Variants in HSPG2 observed in about 807,000 individuals in gnomAD.
HSPG2 encodes the protein heparan sulfate proteoglycan 2.
HSPG2 carries 278 observed loss-of-function variants against 526.6 expected under a neutral mutation model. That is an observed-to-expected ratio of 0.53 (90% CI 0.48 to 0.58). The LOEUF (loss-of-function observed/expected upper bound fraction) is 0.58. Among genes scored for constraint, HSPG2 ranks in the 20% least tolerant of loss-of-function variants. HSPG2 has a pLI of 0.00. For missense variants in HSPG2, 5,354 were observed against 6,099.5 expected (o/e 0.88, Z 4.07); for synonymous variants, 2,465 against 2,555.4 (o/e 0.96, Z 1.07).
chr1:21,864,516 A>G lies in HSPG2; in HGVS notation c.4627-303T>C, dbSNP rs1640070243. Among the ~76,000 whole-genome samples the G allele has an allele frequency of 6.6e-6, 1 of 152,138 alleles. No individual in the cohort carries two copies. Among genetic ancestry groups the G allele is most frequent in the Non-Finnish European group, 1.5e-5 (1 of 68,028 alleles). On this transcript the variant is annotated intron_variant, in intron 36 of 96. Transcript: ENST00000374695. This position sits in a 1 kb window ranked among gnomAD's most constrained non-coding sequence, Gnocchi z 4.8. The stretch of plus-strand genomic sequence containing the variant: ...GCATGAACTGGGTTTTAACCCCCGG[A>G]GAGTGTGGCCCAAACGTGAGGCTGC...
rs114851424 is a variant in HSPG2 at position 21,840,020 on chromosome 1, G to T, written c.9514-3C>A. The T allele has an allele frequency of 6.2e-7, 1 of 1,614,092 alleles. No homozygotes were observed. Among genetic ancestry groups the T allele is most frequent in the Non-Finnish European group, 8.5e-7 (1 of 1,179,966 alleles). On this transcript the variant is annotated splice_polypyrimidine_tract_variant and splice_region_variant and intron_variant, in intron 71 of 96. Coordinates refer to ENST00000374695, the MANE Select transcript of HSPG2 (RefSeq NM_005529.7). ...TCTGATGGTTTAGCTGATGAAATCTGGGAGAAAGCAAGGAGGCTGGTTATG... is the reference window on the plus strand; with the variant it reads ...TCTGATGGTTTAGCTGATGAAATCTTGGAGAAAGCAAGGAGGCTGGTTATG...
rs1037050902 is a variant in HSPG2, at chr1:21,893,072, G to A, written c.245-2378C>T. ...GCCCTGCACTCAGGGTAGAAGTGGG[G>A]GCTGCACACCTGACTAGCCCTGGCC... is the stretch of plus-strand genomic sequence containing the variant. On this transcript the variant is annotated intron_variant, in intron 3 of 96. Transcript: ENST00000374695. This position sits in a 1 kb window ranked among gnomAD's most constrained non-coding sequence, Gnocchi z 4.3. Among the ~76,000 whole-genome samples, 9 of 152,074 alleles carry A rather than the reference G, an allele frequency of 5.9e-5. No individual in the cohort carries two copies. The highest frequency in any genetic ancestry group is 5.9e-4 in the Admixed American group (9 of 15,276).
In HSPG2 at chr1:21,829,057, G is replaced by A. The variant is rs770257885; in HGVS notation, c.12015C>T (p.Ala4005=). ...GCCAGCGGCCCAGGGCCAGCGGCTC[G>A]GCGCTCCGCAGAACGGCCAGCCCTG... The part of the protein sequence containing the change: ...LGSGLAVLRS[A]EPLALGRWHR... Residue 4005 remains alanine, a synonymous_variant, in exon 88 of 97, where the codon GCC becomes GCT. Coordinates refer to ENST00000374695, the MANE Select transcript of HSPG2 (RefSeq NM_005529.7). The A allele has an allele frequency of 4.5e-5, 69 of 1,543,850 alleles. No individual in the cohort carries two copies. Among genetic ancestry groups the A allele is most frequent in the Middle Eastern group, 3.8e-4 (2 of 5,238 alleles).
At chr1:21,901,499 T>C (rs934113993) in intron 1 of HSPG2, among the ~76,000 whole-genome samples, 2 of 151,926 alleles carry the variant, frequency 1.3e-5, no homozygotes, top group African/African-American at 2.4e-5. Flanking sequence ...GGCAATAGAA[T>C]TGGGTCCTAT....
chr1:21,869,747 C>G (rs911627204), intron 33 of HSPG2: 23 of 985,450 alleles, frequency 2.3e-5, no homozygotes, highest in African/African-American at 7.0e-5. Context: ...TCCCCACGGG[C>G]CCAGCCAGCC....
chr1:21,839,235 C>CCCA lies in HSPG2; in HGVS notation c.9889+135_9889+136insTGG. 2 of 1,427,138 alleles carry CCCA rather than the reference C, an allele frequency of 1.4e-6. No homozygotes were observed. Among genetic ancestry groups the CCCA allele is most frequent in the Non-Finnish European group, 1.9e-6 (2 of 1,034,326 alleles). 88.4% of individuals were successfully genotyped at this position (1,427,138 alleles called of 1,614,324 possible). Reference sequence around the variant, plus strand: ...AGGTCCCAGGCCAGGGTGTGGGTGTCGGGCAGGGCAGGCTCCAGGACCCTG... The same window carrying CCCA: ...AGGTCCCAGGCCAGGGTGTGGGTGTCCCAGGGCAGGGCAGGCTCCAGGACCCTG... On this transcript the variant is annotated intron_variant, in intron 73 of 96. Transcript: ENST00000374695. This position sits in a 1 kb window ranked among gnomAD's most constrained non-coding sequence, Gnocchi z 4.5.
chr1:21,900,216 A>G (rs1358508296), intron 1 of HSPG2, among the ~76,000 whole-genome samples: 1 of 152,200 alleles, frequency 6.6e-6, no homozygotes, highest in African/African-American at 2.4e-5. Flanking sequence ...GGAGCTAAGC[A>G]GAGAGGGGGA....
In HSPG2 at chr1:21,833,704, ATTGAGCGTTTGCTC is replaced by A. The variant is rs1438729600; in HGVS notation, c.10830+98_10831-91del. ...CTGTGCCTCAGGCCCACCTTCCAAC[ATTGAGCGTTTGCTC>A]TTGGCCAAGCCTGTGCCACATCCTG... On this transcript the variant is annotated intron_variant, in intron 78 of 96. Transcript: ENST00000374695. The A allele has an allele frequency of 6.9e-6, 11 of 1,584,616 alleles. No homozygotes were observed. In the Admixed American group the frequency reaches 1.7e-4, roughly 24 times the overall value.
Position 21,851,825 on chromosome 1 carries a change from T to C in HSPG2, c.6972A>G (p.Thr2324=). 1.2e-6 allele frequency: 2 copies of C among 1,613,752 alleles called. No individual in the cohort carries two copies. Among genetic ancestry groups the C allele is most frequent in the Non-Finnish European group, 1.7e-6 (2 of 1,179,990 alleles). ...AGTTGGCCCCCTGGGTCCCAGTTAC[T>C]GTGACCGTGATGGAGGCCTCCATGC... ...SNGMEASITV[T]VTGTQGANLA... is the part of the protein sequence containing the mutation. The change falls in exon 54 of 97, where the codon ACA becomes ACG. Residue 2324 remains threonine, a synonymous_variant. Transcript: ENST00000374695.
chr1:21,887,526 G>A lies in HSPG2; in HGVS notation c.852C>T (p.Pro284=). The A allele has an allele frequency of 1.2e-6, 2 of 1,614,122 alleles. No individual in the cohort carries two copies. Among genetic ancestry groups the A allele is most frequent in the African/African-American group, 1.3e-5 (1 of 75,064 alleles). The change falls in exon 8 of 97, where the codon CCC becomes CCT. Residue 284 remains proline (P), a synonymous_variant. Coordinates refer to ENST00000374695, the MANE Select transcript of HSPG2 (RefSeq NM_005529.7). This position sits in a 1 kb window ranked among gnomAD's most constrained non-coding sequence, Gnocchi z 5.0. ...PLLPGSVRPL[P]CGPQEAACRN... ...GGCATGCGGCCTCCTGGGGCCCACA[G>A]GGCAGGGGCCTGACGGAACCGGGAA...
At position 21,864,988 on chromosome 1, in the gene HSPG2, C is replaced by T. The variant is rs146046826; in HGVS notation, c.4481G>A (p.Arg1494Gln). 4.4e-5 allele frequency: 70 copies of T among 1,586,922 alleles called. 1 individual carries two copies. Among genetic ancestry groups the T allele is most frequent in the African/African-American group, 3.9e-4 (29 of 74,412 alleles). Residue 1494 changes from arginine (R) to glutamine (Q), a missense_variant, in exon 36 of 97, where the codon CGG becomes CAG. Physicochemically the swap from Arg to Gln is conservative, Grantham distance 43. Transcript: ENST00000374695. This position sits in a 1 kb window ranked among gnomAD's most constrained non-coding sequence, Gnocchi z 4.8. The part of the protein sequence containing the change: ...ALADLDELLI[R>Q]ATFSSVPLAA... ...CAGCGGCACGGAGGAGAACGTGGCCCGGATCAGGAGCTCATCCAGGTCGGC... is the reference window on the plus strand; with the variant it reads ...CAGCGGCACGGAGGAGAACGTGGCCTGGATCAGGAGCTCATCCAGGTCGGC...
rs565853695 is a variant in HSPG2 at position 21,876,266 on chromosome 1, T to C, written c.2966A>G (p.Tyr989Cys). 1.9e-5 allele frequency: 31 copies of C among 1,613,336 alleles called. No individual in the cohort carries two copies. The Admixed American group carries it at 3.2e-4, about 17-fold the overall frequency. Residue 989 changes from tyrosine to cysteine, a missense_variant, in exon 23 of 97, where the codon TAC becomes TGC. Physicochemically the swap from Tyr to Cys is radical, Grantham distance 194. Coordinates refer to ENST00000374695, the MANE Select transcript of HSPG2 (RefSeq NM_005529.7). Reference sequence around the variant, plus strand: ...GAAGCGTGAAGGGAGGCTCCAGAAGTAGGGTCCAGATAAGAGTCTGTGGAA... The same window carrying C: ...GAAGCGTGAAGGGAGGCTCCAGAAGCAGGGTCCAGATAAGAGTCTGTGGAA... The part of the protein sequence containing the change: ...SSFHRLLSGP[Y>C]FWSLPSRFLG...
chr1:21,848,784 CACA>C lies in HSPG2; in HGVS notation c.7593_7595del (p.Val2532del). 1 of 1,613,732 alleles carries C rather than the reference CACA, an allele frequency of 6.2e-7. No homozygotes were observed. The highest frequency in any genetic ancestry group is 8.5e-7 in the Non-Finnish European group (1 of 1,179,996). ...AGGACTCGATGCGGACGGGGTACGC[CACA>C]CCCTGGGCTGGGAGGGTGAGATGTA... On this transcript the variant is annotated inframe_deletion, in exon 59 of 97. Transcript: ENST00000374695. This position sits in a 1 kb window ranked among gnomAD's most constrained non-coding sequence, Gnocchi z 4.9.
Position 21,822,262 on chromosome 1 carries a change from T to TA in HSPG2, c.*1053_*1054insT. ...AGGCCCCTGGCGGGGATAGCACCGT[T>TA]TATTAAGAAAAATCAAGACAAAGAC... On this transcript the variant is annotated 3_prime_UTR_variant, in exon 97 of 97. Transcript: ENST00000374695. The TA allele has an allele frequency of 6.3e-7, 1 of 1,591,016 alleles. No individual in the cohort carries two copies. Among genetic ancestry groups the TA allele is most frequent in the Non-Finnish European group, 8.6e-7 (1 of 1,159,258 alleles).
Position 21,896,172 on chromosome 1 carries a change from C to G in HSPG2, c.199+3G>C, listed in dbSNP as rs759584200. On this transcript the variant is annotated splice_donor_region_variant and intron_variant, in intron 2 of 96. Coordinates refer to ENST00000374695, the MANE Select transcript of HSPG2 (RefSeq NM_005529.7). ...TGCTCCCAGCCTTGGATCCTTGGCTCACCTCCTGAGATGCTGTCAGCCAGC... is the reference window on the plus strand; with the variant it reads ...TGCTCCCAGCCTTGGATCCTTGGCTGACCTCCTGAGATGCTGTCAGCCAGC... The G allele has an allele frequency of 6.2e-7, 1 of 1,613,936 alleles. No individual in the cohort carries two copies. Among genetic ancestry groups the G allele is most frequent in the South Asian group, 1.1e-5 (1 of 91,056 alleles).
chr1:21,827,039 C>G (rs2097978739), intron 91 of HSPG2, among the ~76,000 whole-genome samples: 1 of 151,898 alleles, frequency 6.6e-6, no homozygotes, highest in Non-Finnish European at 1.5e-5. Context: ...GAAACCCCAT[C>G]CCTACAAAAA....
intron 1 of HSPG2, among the ~76,000 whole-genome samples, chr1:21,924,239 T>C (rs1644123836): frequency 6.6e-6 from 1 of 152,208 alleles, no homozygotes; most frequent in South Asian, 2.1e-4. Flanking sequence ...AGGTGGAAGC[T>C]GCCTCCAGCG....
intron 1 of HSPG2, among the ~76,000 whole-genome samples, chr1:21,925,881 T>A (rs759503141): frequency 1.3e-4 from 20 of 152,050 alleles, no homozygotes; most frequent in Non-Finnish European, 2.1e-4. Flanking sequence ...TTTTTATTTT[T>A]TTTTTTGAGA....
intron 1 of HSPG2, among the ~76,000 whole-genome samples, chr1:21,934,940 T>C (rs568394894): frequency 1.4e-5 from 2 of 144,978 alleles, no homozygotes; most frequent in South Asian, 4.3e-4. Context: ...GGAGTCTCAC[T>C]CTGTCACCCA....
Sources: allele counts gnomAD v4.1 joint callset (sites outside exome capture counted in the v4.1 genomes callset), GRCh38; gene constraint gnomAD v4.1.1; non-coding constraint Gnocchi (gnomAD v3.1); transcripts MANE v1.5; gene names NCBI Gene and HGNC (gene_info 2026-07-23, HGNC 2026-07-21).